The following TMTC3 variants were observed in gnomAD, a reference collection of about 807,000 sequenced individuals.
The protein encoded by TMTC3 is transmembrane O-mannosyltransferase targeting cadherins 3.
TMTC3 carries 52 observed loss-of-function variants against 92.2 expected under a neutral mutation model. That is an observed-to-expected ratio of 0.56 (90% CI 0.45 to 0.71). The LOEUF is 0.71. Among genes scored for constraint, TMTC3 ranks in the 30% least tolerant of loss-of-function variants. The probability of loss-of-function intolerance (pLI) is 0.00; values close to 1 mark genes in which losing one functional copy is unlikely to be tolerated. For synonymous variants in TMTC3, 339 were observed against 363.3 expected, an observed-to-expected ratio of 0.93 and a Z score of 0.76; for missense variants, 896 against 1,057.1, an observed-to-expected ratio of 0.85 and a Z score of 2.11.
chr12:88,154,250 C>A, intron 3 of TMTC3, 38 bp from the exon 4 acceptor site: 1 of 1,378,536 alleles, frequency 7.3e-7, no homozygotes, highest in South Asian at 1.3e-5. Context: ...TCAAGATATT[C>A]TTTATTAATA....
intron 9 of TMTC3, among the ~76,000 whole-genome samples, chr12:88,175,139 A>G (rs2041245182): frequency 6.6e-6 from 1 of 152,044 alleles, no homozygotes; most frequent in Non-Finnish European, 1.5e-5. Flanking sequence ...TGATGTTATA[A>G]TCGATGGCAT....
intron 10 of TMTC3, among the ~76,000 whole-genome samples, chr12:88,177,924 A>T (rs1247517342): frequency 6.6e-6 from 1 of 152,232 alleles, no homozygotes; most frequent in African/African-American, 2.4e-5. Flanking sequence ...TCACTAAATC[A>T]TTAAGAATTT....
chr12:88,148,504 GGTAA>G lies in TMTC3; in HGVS notation c.189+5_189+8del, dbSNP rs1278945343. On this transcript the variant is annotated splice_donor_variant and splice_donor_region_variant and intron_variant, in intron 2 of 13. Coordinates refer to ENST00000266712, the MANE Select transcript of TMTC3 (RefSeq NM_181783.4). LOFTEE classifies it high-confidence loss of function. ...ACTTCTGGGGAACCCCTATGTCTGA[GGTAA>G]GTAATTACTTACATATTACTTGTAC... 1 of 1,588,634 alleles carries G rather than the reference GGTAA, an allele frequency of 6.3e-7. No homozygotes were observed.
chr12:88,164,350 C>G (rs2041118834), intron 6 of TMTC3, among the ~76,000 whole-genome samples: 2 of 152,042 alleles, frequency 1.3e-5, no homozygotes, highest in Non-Finnish European at 1.5e-5. Context: ...TTCATACTCT[C>G]AATTCAGTAT....
chr12:88,180,171 C>A (rs1484340488), intron 10 of TMTC3, among the ~76,000 whole-genome samples: 3 of 133,508 alleles, frequency 2.2e-5, no homozygotes, highest in African/African-American at 1.3e-4. Context: ...AGTTAACACT[C>A]GTATTCCGGC....
At chr12:88,145,862 C>T (rs1315861206) in intron 1 of TMTC3, among the ~76,000 whole-genome samples, 1 of 152,140 alleles carries the variant, frequency 6.6e-6, no homozygotes, top group Non-Finnish European at 1.5e-5. Context: ...CTAATTTTTT[C>T]TTATAGACAT....
intron 10 of TMTC3, among the ~76,000 whole-genome samples, chr12:88,177,157 C>A (rs2041268617): frequency 6.6e-6 from 1 of 151,988 alleles, no homozygotes; most frequent in African/African-American, 2.4e-5. Flanking sequence ...GAAACCCCAT[C>A]TCTACTAAAA....
At chr12:88,156,066 C>T (rs542753710) in intron 4 of TMTC3, among the ~76,000 whole-genome samples, 2 of 152,168 alleles carry the variant, frequency 1.3e-5, no homozygotes, top group South Asian at 2.1e-4. Context: ...GTCGAGATCA[C>T]GCCACCGCAC....
At chr12:88,174,558 TTGGTGATGAAGACAA>T in intron 8 of TMTC3, 34 bp from the exon 9 acceptor site, 1 of 1,577,922 alleles carries the variant, frequency 6.3e-7, no homozygotes, top group Non-Finnish European at 8.6e-7. Flanking sequence ...TAAAATGCTT[TTGGTGATGAAGACAA>T]TTTTTTTTGT....
At chr12:88,154,187 A>G (rs2040978454) in intron 3 of TMTC3, 101 bp from the exon 4 acceptor site, 2 of 804,268 alleles carry the variant, frequency 2.5e-6, no homozygotes, top group Non-Finnish European at 3.8e-6. Flanking sequence ...ACAAATGTGC[A>G]CTTGAAAAGT....
rs1234730526 is a variant in TMTC3, at chr12:88,199,677, C to A, written c.*4028C>A. ...ACTGAGACACCTTAAAATTGTACTACCTTGTGCTGTTCACTGCCATCAGGG... is the reference window on the plus strand; with the variant it reads ...ACTGAGACACCTTAAAATTGTACTAACTTGTGCTGTTCACTGCCATCAGGG... On this transcript the variant is annotated 3_prime_UTR_variant, in exon 14 of 14. Coordinates refer to ENST00000266712, the MANE Select transcript of TMTC3 (RefSeq NM_181783.4). 6.6e-6 allele frequency: 1 copy of A among 152,120 alleles called. No individual in the cohort carries two copies. The highest frequency in any genetic ancestry group is 1.5e-5 in the Non-Finnish European group (1 of 68,012). The allele number at this position is 152,120 out of a possible 1,614,324, so 9.4% of individuals were successfully genotyped here.
At chr12:88,179,952 G>A (rs186896054) in intron 10 of TMTC3, among the ~76,000 whole-genome samples, 206 of 152,262 alleles carry the variant, frequency 1.4e-3, no homozygotes, top group African/African-American at 4.6e-3. Flanking sequence ...AAGAGAATCT[G>A]GCTGCCTTCA....
In TMTC3 at chr12:88,153,290, G is replaced by A. The variant is rs752434526; in HGVS notation, c.190-1G>A. On this transcript the variant is annotated splice_acceptor_variant, in intron 2 of 13. Transcript: ENST00000266712. LOFTEE classifies it high-confidence loss of function. ...AATCACTGATCGTTTTTTCCTTGTAGGAGAGAAGCCACAAGTCTTACCGTC... is the reference window on the plus strand; with the variant it reads ...AATCACTGATCGTTTTTTCCTTGTAAGAGAGAAGCCACAAGTCTTACCGTC... The A allele has an allele frequency of 6.2e-7, 1 of 1,603,058 alleles. No individual in the cohort carries two copies. Among genetic ancestry groups the A allele is most frequent in the East Asian group, 2.2e-5 (1 of 44,678 alleles).
chr12:88,161,312 T>A (rs2041076566), intron 6 of TMTC3, among the ~76,000 whole-genome samples: 1 of 152,196 alleles, frequency 6.6e-6, no homozygotes. Context: ...CCCTTTGTCA[T>A]TATTAAATGA....
At chr12:88,144,118 G>C (rs2040840998) in intron 1 of TMTC3, among the ~76,000 whole-genome samples, 2 of 152,114 alleles carry the variant, frequency 1.3e-5, no homozygotes, top group Admixed American at 1.3e-4. Flanking sequence ...CTTCTTTACT[G>C]CATGCTGTTT....
Position 88,198,278 on chromosome 12 carries a change from C to T in TMTC3, c.*2629C>T, listed in dbSNP as rs1000510133. 5.0e-6 allele frequency: 2 copies of T among 397,392 alleles called. No homozygotes were observed. The highest frequency in any genetic ancestry group is 4.1e-5 in the African/African-American group (2 of 48,446). The allele number at this position is 397,392 out of a possible 1,614,324, so 24.6% of individuals were successfully genotyped here. A position where few individuals can be genotyped will look rare whatever the true frequency, so the allele number is the denominator to read the frequency against. ...GGCACATTTAAGGTCAGTTCACTAACCTATGGTTCAGAGTTCTGATCATAT... is the reference window on the plus strand; with the variant it reads ...GGCACATTTAAGGTCAGTTCACTAATCTATGGTTCAGAGTTCTGATCATAT... On this transcript the variant is annotated 3_prime_UTR_variant, in exon 14 of 14. Coordinates refer to ENST00000266712, the MANE Select transcript of TMTC3 (RefSeq NM_181783.4).
Position 88,198,241 on chromosome 12 carries a change from A to C in TMTC3, c.*2592A>C. 1 of 396,618 alleles carries C rather than the reference A, an allele frequency of 2.5e-6. No homozygotes were observed. The highest frequency in any genetic ancestry group is 4.4e-6 in the Non-Finnish European group (1 of 225,028). The allele number at this position is 396,618 out of a possible 1,614,324, so 24.6% of individuals were successfully genotyped here. On this transcript the variant is annotated 3_prime_UTR_variant, in exon 14 of 14. Coordinates refer to ENST00000266712, the MANE Select transcript of TMTC3 (RefSeq NM_181783.4). ...CCTCTGGAGCTGCCTGTTCAGTGAG[A>C]TGGAGGAGGTGGGCACATTTAAGGT... is the stretch of plus-strand genomic sequence containing the variant.
rs142580522 is a variant in TMTC3 at position 88,142,910 on chromosome 12, C to T, written c.-29+423C>T. 4.1e-3 allele frequency among the ~76,000 whole-genome samples: 626 copies of T among 152,110 alleles called. 6 individuals carry two copies. The highest frequency in any genetic ancestry group is 0.014 in the African/African-American group (596 of 41,470). On this transcript the variant is annotated intron_variant, in intron 1 of 13. Coordinates refer to ENST00000266712, the MANE Select transcript of TMTC3 (RefSeq NM_181783.4). The stretch of plus-strand genomic sequence containing the variant: ...GGTTAGTACTTGTCCGGACCACTGC[C>T]GGGGGTGGAGAGAGAAGGGATCCAA...
In TMTC3 at chr12:88,195,213, A is replaced by G; in HGVS notation, c.2309A>G (p.Asn770Ser). 1 of 1,613,900 alleles carries G rather than the reference A, an allele frequency of 6.2e-7. No individual in the cohort carries two copies. Among genetic ancestry groups the G allele is most frequent in the Non-Finnish European group, 8.5e-7 (1 of 1,179,926 alleles). The change falls in exon 14 of 14, where the codon AAT (asparagine) becomes AGT (serine). Residue 770 changes from asparagine (N) to serine (S), a missense_variant. Coordinates refer to ENST00000266712, the MANE Select transcript of TMTC3 (RefSeq NM_181783.4). ...AGGATTTTGGAGATGGATCCAAGCA[A>G]TGTGCAAGGAAAACACAATCTTTGT... ...FERILEMDPS[N>S]VQGKHNLCVV...
Sources: gnomAD v4.1 joint callset for allele counts (sites outside exome capture counted in the v4.1 genomes callset) on GRCh38, gnomAD v4.1.1 for gene constraint, MANE v1.5 for transcripts, NCBI Gene and HGNC (gene_info 2026-07-23, HGNC 2026-07-21) for gene names.